The following THSD7B variants were observed in gnomAD, a reference collection of about 807,000 sequenced individuals.
THSD7B encodes thrombospondin type 1 domain containing 7B.
Under a neutral mutation model 213.6 loss-of-function variants are expected in THSD7B, and 138 were observed. That is an observed-to-expected ratio of 0.65 (90% CI 0.56 to 0.74). The LOEUF (loss-of-function observed/expected upper bound fraction) is 0.74, where lower values mean the gene tolerates loss of function less well. Among genes scored for constraint, THSD7B ranks in the 30% least tolerant of loss-of-function variants. THSD7B has a pLI of 0.00. For missense variants in THSD7B, 1,931 were observed against 1,991.5 expected (o/e 0.97, Z 0.58); for synonymous variants, 742 against 687.0 (o/e 1.08, Z -1.25).
chr2:137,490,769 G>C (rs1008996185), intron 15 of THSD7B, among the ~76,000 whole-genome samples: 3 of 152,126 alleles, frequency 2.0e-5, no homozygotes, highest in African/African-American at 7.2e-5. Context: ...TAGGGTCTGA[G>C]GGTCCCAGGG....
At chr2:137,133,494 G>A (rs1315578625) in intron 5 of THSD7B, among the ~76,000 whole-genome samples, 2 of 152,096 alleles carry the variant, frequency 1.3e-5, no homozygotes, top group Non-Finnish European at 2.9e-5. Flanking sequence ...ATTACCCAGG[G>A]ATTTTTTTTT....
chr2:137,656,809 A>G lies in THSD7B; in HGVS notation c.4119A>G (p.Leu1373=), dbSNP rs768811572. 3 of 1,613,876 alleles carry G rather than the reference A, an allele frequency of 1.9e-6. No individual in the cohort carries two copies. The highest frequency in any genetic ancestry group is 2.5e-6 in the Non-Finnish European group (3 of 1,179,816). The part of the protein sequence containing the change: ...CSVPCPGDCH[L]TEWSEWSTCE... ...ATGACTGTCCAGGAGACTGCCATTTAACAGAATGGTCAGAGTGGAGCACAT... is the reference window on the plus strand; with the variant it reads ...ATGACTGTCCAGGAGACTGCCATTTGACAGAATGGTCAGAGTGGAGCACAT... Residue 1373 remains leucine, a synonymous_variant, in exon 23 of 28, where the codon TTA becomes TTG. Coordinates refer to ENST00000409968, the MANE Select transcript of THSD7B (RefSeq NM_001316349.2).
At chr2:137,105,366 G>T (rs1458236045) in intron 4 of THSD7B, among the ~76,000 whole-genome samples, 1 of 151,990 alleles carries the variant, frequency 6.6e-6, no homozygotes, top group Non-Finnish European at 1.5e-5. Flanking sequence ...ACCCCTTCAT[G>T]CTATAAACTC....
intron 19 of THSD7B, 133 bp downstream of exon 19, chr2:137,618,640 G>A (rs16839162): frequency 0.023 from 17,697 of 753,756 alleles, 273 homozygotes; most frequent in Middle Eastern, 0.051. Flanking sequence ...TAGAGTAAGC[G>A]GTGCCAGTAT....
chr2:137,317,784 G>A (rs1684158923), intron 12 of THSD7B, among the ~76,000 whole-genome samples: 1 of 152,052 alleles, frequency 6.6e-6, no homozygotes, highest in African/African-American at 2.4e-5. Context: ...TGGGCATGGT[G>A]GCGCACACCT....
intron 3 of THSD7B, among the ~76,000 whole-genome samples, chr2:137,090,615 C>A (rs188853988): frequency 2.0e-5 from 3 of 152,248 alleles, no homozygotes; most frequent in African/African-American, 7.2e-5. Flanking sequence ...CAAAAGACAG[C>A]ATGTTCTATA....
At chr2:136,920,675 C>A (rs1012750922) in intron 2 of THSD7B, among the ~76,000 whole-genome samples, 1 of 152,290 alleles carries the variant, frequency 6.6e-6, no homozygotes. Context: ...GTAAGCTACC[C>A]CTTCCCACCT....
intron 1 of THSD7B, among the ~76,000 whole-genome samples, chr2:136,805,684 G>T (rs1227503941): frequency 6.6e-6 from 1 of 152,214 alleles, no homozygotes; most frequent in Non-Finnish European, 1.5e-5. Flanking sequence ...CTGATCTGCT[G>T]ATTGGGTTTG....
chr2:137,561,357 A>G (rs1350261193), intron 15 of THSD7B, among the ~76,000 whole-genome samples: 1 of 152,184 alleles, frequency 6.6e-6, no homozygotes, highest in Non-Finnish European at 1.5e-5. Flanking sequence ...TAGTATTGAT[A>G]GCTTTAGAAA....
chr2:137,025,464 T>A (rs1277796905), intron 2 of THSD7B, among the ~76,000 whole-genome samples: 1 of 152,184 alleles, frequency 6.6e-6, no homozygotes, highest in East Asian at 1.9e-4. Flanking sequence ...TGTGTGGATG[T>A]CGATTATTTA....
chr2:136,828,373 A>G (rs1682694400), intron 1 of THSD7B, among the ~76,000 whole-genome samples: 1 of 152,064 alleles, frequency 6.6e-6, no homozygotes, highest in Admixed American at 6.6e-5. Context: ...AAATTTGGTC[A>G]TCTTGACTCT....
intron 1 of THSD7B, among the ~76,000 whole-genome samples, chr2:136,777,827 A>G (rs1377278796): frequency 1.3e-5 from 2 of 152,212 alleles, no homozygotes; most frequent in Non-Finnish European, 2.9e-5. Context: ...AGAATTTATT[A>G]GTAGAAAATA....
chr2:137,279,975 C>T (rs1014102788), intron 12 of THSD7B, among the ~76,000 whole-genome samples: 15 of 152,100 alleles, frequency 9.9e-5, no homozygotes, highest in Admixed American at 6.6e-4. Context: ...ATGGGAAAGC[C>T]GGCTTGAGGT....
Position 137,231,156 on chromosome 2 carries a change from C to G in THSD7B, c.1836C>G (p.Ser612=). 1 of 1,613,728 alleles carries G rather than the reference C, an allele frequency of 6.2e-7. No homozygotes were observed. Among genetic ancestry groups the G allele is most frequent in the Non-Finnish European group, 8.5e-7 (1 of 1,179,778 alleles). ...TGAGCGAGTGGACGGAGTGGTCATC[C>G]TGTTCCCAGTCCTGTTCAAATAAAA... ...CVLSEWTEWS[S]CSQSCSNKNS... Residue 612 remains serine, a synonymous_variant, in exon 8 of 28, where the codon TCC becomes TCG. Transcript: ENST00000409968.
At chr2:137,210,500 G>C (rs1411340967) in intron 7 of THSD7B, among the ~76,000 whole-genome samples, 1 of 151,966 alleles carries the variant, frequency 6.6e-6, no homozygotes, top group Non-Finnish European at 1.5e-5. Flanking sequence ...CAGTTATGTA[G>C]GAGACTCTTT....
chr2:136,823,867 T>C (rs901395013), intron 1 of THSD7B, among the ~76,000 whole-genome samples: 2 of 152,218 alleles, frequency 1.3e-5, no homozygotes, highest in South Asian at 4.1e-4. Flanking sequence ...ATTAGGAAAT[T>C]GACCAAGGTG....
At chr2:137,270,496 C>T (rs1160736551) in intron 10 of THSD7B, among the ~76,000 whole-genome samples, 1 of 152,146 alleles carries the variant, frequency 6.6e-6, no homozygotes, top group Non-Finnish European at 1.5e-5. Context: ...AGCCCTAATT[C>T]CTTCTCAGAA....
chr2:136,839,740 T>A (rs986497534), intron 1 of THSD7B, among the ~76,000 whole-genome samples: 1 of 152,238 alleles, frequency 6.6e-6, no homozygotes, highest in Non-Finnish European at 1.5e-5. Context: ...CTTCCTTTTT[T>A]TTCTGCTGGT....
chr2:136,953,100 A>G (rs879315902), intron 2 of THSD7B, among the ~76,000 whole-genome samples: 1 of 152,210 alleles, frequency 6.6e-6, no homozygotes, highest in Non-Finnish European at 1.5e-5. Flanking sequence ...GATCCAATAA[A>G]AAGTAACAGA....
Sources: gnomAD v4.1 joint callset for allele counts (sites outside exome capture counted in the v4.1 genomes callset) on GRCh38, gnomAD v4.1.1 for gene constraint, MANE v1.5 for transcripts, NCBI Gene and HGNC (gene_info 2026-07-23, HGNC 2026-07-21) for gene names.